Variants in MTCL1 observed in about 807,000 individuals in gnomAD.
MTCL1 encodes microtubule cross-linking factor 1.
A neutral mutation model predicts 141.4 loss-of-function variants in MTCL1; 79 were observed. That is an observed-to-expected ratio of 0.56 (90% CI 0.47 to 0.67). MTCL1 has a LOEUF of 0.67. Among genes scored for constraint, MTCL1 ranks in the 30% least tolerant of loss-of-function variants. The pLI, the probability that MTCL1 is intolerant of heterozygous loss-of-function variation, is 0.00. For synonymous variants in MTCL1, 914 were observed against 875.8 expected (o/e 1.04, Z -0.77); for missense variants, 2,177 against 2,113.9 (o/e 1.03, Z -0.59).
chr18:8,712,867 C>G (rs2096102482), upstream of MTCL1, among the ~76,000 whole-genome samples: 1 of 152,124 alleles, frequency 6.6e-6, no homozygotes, highest in South Asian at 2.1e-4. Flanking sequence ...CCAGAGGACT[C>G]CTTCTACCAT....
chr18:8,829,358 G>C (rs1251131455), intron 16 of MTCL1: 1 of 985,256 alleles, frequency 1.0e-6, no homozygotes, highest in Admixed American at 6.1e-5. Context: ...TTGGTTATAC[G>C]TGCACTGGCA....
At chr18:8,820,787 G>A (rs2144384574) in intron 13 of MTCL1, among the ~76,000 whole-genome samples, 1 of 152,334 alleles carries the variant, frequency 6.6e-6, no homozygotes, top group Non-Finnish European at 1.5e-5. Flanking sequence ...GCTATTTACT[G>A]TCTTGAAAAA....
intron 4 of MTCL1, among the ~76,000 whole-genome samples, chr18:8,749,538 A>G (rs1598481080): frequency 6.6e-6 from 1 of 152,350 alleles, no homozygotes; most frequent in Non-Finnish European, 1.5e-5. Context: ...AAGTGGAGGA[A>G]GAGTGAAGTG....
intron 16 of MTCL1, 148 bp from the exon 15 acceptor site, chr18:8,831,459 A>G (rs2077188967): frequency 6.9e-7 from 1 of 1,440,996 alleles, no homozygotes; most frequent in African/African-American, 1.4e-5. Flanking sequence ...GTTATTCTGC[A>G]TGAGCATAGA....
upstream of MTCL1, among the ~76,000 whole-genome samples, chr18:8,712,502 T>G (rs1025699446): frequency 1.3e-5 from 2 of 152,238 alleles, no homozygotes; most frequent in Non-Finnish European, 2.9e-5. Flanking sequence ...CTGAGGTGTC[T>G]CAGCGCCTCC....
At chr18:8,788,891 T>G (rs992388853) in intron 7 of MTCL1, among the ~76,000 whole-genome samples, 1 of 152,202 alleles carries the variant, frequency 6.6e-6, no homozygotes, top group Admixed American at 6.5e-5. Flanking sequence ...TCAGGAGATA[T>G]TAGCGAGATG....
chr18:8,786,414 G>A (rs754818196), intron 7 of MTCL1: 1 of 554,676 alleles, frequency 1.8e-6, no homozygotes, highest in Admixed American at 2.2e-5. Context: ...TCCAGTCGCA[G>A]AGAAAGAAGG....
intron 4 of MTCL1, among the ~76,000 whole-genome samples, chr18:8,767,824 G>A (rs1311011986): frequency 6.6e-6 from 1 of 151,566 alleles, no homozygotes; most frequent in Non-Finnish European, 1.5e-5. Context: ...AAAACATAAA[G>A]TCATCCATAA....
chr18:8,778,964 C>T (rs982318438), intron 5 of MTCL1, among the ~76,000 whole-genome samples: 1 of 152,210 alleles, frequency 6.6e-6, no homozygotes, highest in African/African-American at 2.4e-5. Context: ...GTCAGAAACC[C>T]TGGTACCTGG....
chr18:8,783,659 C>T, exon 6 of MTCL1: 2 of 1,612,912 alleles, frequency 1.2e-6, no homozygotes, highest in African/African-American at 1.3e-5. Context: ...GTACAAGTCC[C>T]TCTATGGGGA....
chr18:8,794,512 C>T (rs1376288088), intron 8 of MTCL1, among the ~76,000 whole-genome samples: 1 of 152,186 alleles, frequency 6.6e-6, no homozygotes, highest in Non-Finnish European at 1.5e-5. Context: ...GATGCTGCCT[C>T]CCGTGGTGCG....
chr18:8,764,236 G>C (rs1364860799), intron 4 of MTCL1, among the ~76,000 whole-genome samples: 1 of 151,780 alleles, frequency 6.6e-6, no homozygotes, highest in East Asian at 1.9e-4. Flanking sequence ...GGGTAATATT[G>C]CTTTTTATGG....
chr18:8,710,870 TTTTTC>T (rs2096085840), intron 1 of MTCL1, among the ~76,000 whole-genome samples: 2 of 109,418 alleles, frequency 1.8e-5, no homozygotes, highest in Non-Finnish European at 3.7e-5. Context: ...TCTGTTTTCT[TTTTTC>T]TTTTTTTTTT....
chr18:8,722,832 A>G (rs1355051441), intron 4 of MTCL1, among the ~76,000 whole-genome samples: 1 of 152,252 alleles, frequency 6.6e-6, no homozygotes, highest in East Asian at 1.9e-4. Flanking sequence ...ACATTTGTGT[A>G]TAACTAAACA....
At chr18:8,756,507 ATATATATGTGTG>A (rs1179124248) in intron 4 of MTCL1, among the ~76,000 whole-genome samples, 1 of 147,380 alleles carries the variant, frequency 6.8e-6, no homozygotes, top group Non-Finnish European at 1.5e-5. Context: ...ATATGTGTGT[ATATATATGTGTG>A]TATATATGTG....
chr18:8,800,250 C>T lies in MTCL1; in HGVS notation c.2436+1959C>T, dbSNP rs533671855. On this transcript the variant is annotated intron_variant, in intron 10 of 16. Coordinates refer to ENST00000359865, the Ensembl canonical transcript of MTCL1. ...CGTGTCTCACAGAGCTGCACAGAGCCGGGCCGTTCCCGAAACGCCGAGCAC... is the reference window on the plus strand; with the variant it reads ...CGTGTCTCACAGAGCTGCACAGAGCTGGGCCGTTCCCGAAACGCCGAGCAC... Among the ~76,000 whole-genome samples, 337 of 152,276 alleles carry T rather than the reference C, an allele frequency of 2.2e-3. 4 individuals carry two copies. The highest frequency in any genetic ancestry group is 1.8e-3 in the Non-Finnish European group (123 of 68,016).
chr18:8,769,335 A>G (rs767850158), intron 4 of MTCL1, among the ~76,000 whole-genome samples: 1 of 152,144 alleles, frequency 6.6e-6, no homozygotes, highest in Non-Finnish European at 1.5e-5. Context: ...TTTTTGGTGC[A>G]GTCATCATTA....
chr18:8,825,332 G>A, exon 15 of MTCL1: 2 of 1,539,816 alleles, frequency 1.3e-6, no homozygotes, highest in Non-Finnish European at 8.7e-7. Context: ...TGCACAGCCT[G>A]GAGATGTCCA....
intron 5 of MTCL1, among the ~76,000 whole-genome samples, chr18:8,780,398 G>A (rs557659095): frequency 4.6e-5 from 7 of 152,232 alleles, no homozygotes; most frequent in Non-Finnish European, 1.0e-4. Flanking sequence ...CACAGCAGGC[G>A]GCCCTGCCCC....
Sources: gnomAD v4.1 joint callset for allele counts (sites outside exome capture counted in the v4.1 genomes callset) on GRCh38, gnomAD v4.1.1 for gene constraint, MANE v1.5 for transcripts, NCBI Gene and HGNC (gene_info 2026-07-23, HGNC 2026-07-21) for gene names.